Variants in HHAT observed in about 807,000 individuals in gnomAD.
The protein encoded by HHAT is hedgehog acyltransferase, also known as protein-cysteine N-palmitoyltransferase HHAT.
HHAT carries 47 observed loss-of-function variants against 70.8 expected under a neutral mutation model. The ratio of observed to expected loss-of-function variants is 0.66; its 90% CI spans 0.53 to 0.85. The LOEUF (loss-of-function observed/expected upper bound fraction) is 0.85, where lower values mean the gene tolerates loss of function less well. Ranked by LOEUF, HHAT falls within the 40% of genes least tolerant of loss-of-function variation. The pLI is 0.00. For synonymous variants in HHAT, 228 were observed against 247.6 expected, an observed-to-expected ratio of 0.92 and a Z score of 0.74; for missense variants, 609 against 604.8, an observed-to-expected ratio of 1.01 and a Z score of -0.07.
At chr1:210,374,222 T>C (rs1014521293) in intron 3 of HHAT, 1 of 151,994 alleles carries the variant, frequency 6.6e-6, no homozygotes, top group Non-Finnish European at 1.5e-5. Context: ...ACGGAAATCT[T>C]TAGTAAAAGG....
rs549392718 is a variant in HHAT, at chr1:210,406,762, C to T, written c.684+2083C>T. ...CAGGGTCCTGTGTCACACAGAGGCA[C>T]GCTTTAAGATTATCTTCCACCTAAA... On this transcript the variant is annotated intron_variant, in intron 6 of 11. Coordinates refer to ENST00000261458, the MANE Select transcript of HHAT (RefSeq NM_018194.6). 8.1e-4 allele frequency among the ~76,000 whole-genome samples: 123 copies of T among 152,228 alleles called. 1 individual carries two copies. In the Middle Eastern group the frequency reaches 0.017, roughly 21 times the overall value.
chr1:210,497,693 G>A (rs2094675316), intron 8 of HHAT, among the ~76,000 whole-genome samples: 1 of 152,012 alleles, frequency 6.6e-6, no homozygotes, highest in South Asian at 2.1e-4. Flanking sequence ...GCTGTTTTCA[G>A]TGGGCTCGCA....
intron 9 of HHAT, among the ~76,000 whole-genome samples, chr1:210,528,110 A>C (rs910657212): frequency 2.0e-5 from 3 of 152,210 alleles, no homozygotes; most frequent in Admixed American, 1.3e-4. Flanking sequence ...AGAGGTGTTC[A>C]TCAGGTGATC....
chr1:210,489,944 T>A (rs1379245434), intron 8 of HHAT, among the ~76,000 whole-genome samples: 1 of 152,218 alleles, frequency 6.6e-6, no homozygotes, highest in African/African-American at 2.4e-5. Context: ...GGCTTGTCTG[T>A]AGGAGGCATA....
At position 210,549,591 on chromosome 1, in the gene HHAT, G is replaced by T. The variant is rs747669535; in HGVS notation, c.1043+36403G>T. Among the ~76,000 whole-genome samples, 22 of 148,874 alleles carry T rather than the reference G, an allele frequency of 1.5e-4. 1 individual carries two copies. Among genetic ancestry groups the T allele is most frequent in the Non-Finnish European group, 4.4e-5 (3 of 67,884 alleles). Reference sequence around the variant, plus strand: ...TGGTAATAAGGAGACCTGAGTTTTAGGTTCACCATTTACTTGGAAGAGTTG... The same window carrying T: ...TGGTAATAAGGAGACCTGAGTTTTATGTTCACCATTTACTTGGAAGAGTTG... On this transcript the variant is annotated intron_variant, in intron 9 of 11. Coordinates refer to ENST00000261458, the MANE Select transcript of HHAT (RefSeq NM_018194.6).
intron 11 of HHAT, among the ~76,000 whole-genome samples, chr1:210,630,150 GTC>G (rs1670594007): frequency 6.6e-6 from 1 of 152,106 alleles, no homozygotes; most frequent in Admixed American, 6.5e-5. Flanking sequence ...CTCCTCCTCT[GTC>G]TCTCTTATAA....
intron 9 of HHAT, among the ~76,000 whole-genome samples, chr1:210,519,284 G>A (rs1296592234): frequency 1.3e-5 from 2 of 152,082 alleles, no homozygotes. Flanking sequence ...CCATCTCTTG[G>A]CTATTGTCAA....
intron 10 of HHAT, among the ~76,000 whole-genome samples, chr1:210,606,022 AT>A (rs377224411): frequency 9.9e-5 from 15 of 150,980 alleles, no homozygotes; most frequent in African/African-American, 3.2e-4. Context: ...CACCTGGCTA[AT>A]TTTTTTTTAT....
chr1:210,595,621 C>G (rs1485420422), intron 10 of HHAT, among the ~76,000 whole-genome samples: 12 of 152,270 alleles, frequency 7.9e-5, no homozygotes, highest in African/African-American at 2.6e-4. Flanking sequence ...ATCCTCTCCA[C>G]CACCTGTTGT....
chr1:210,567,064 C>G (rs569425524), intron 9 of HHAT, among the ~76,000 whole-genome samples: 3 of 152,346 alleles, frequency 2.0e-5, no homozygotes, highest in East Asian at 1.9e-4. Flanking sequence ...TCTGTGCCCC[C>G]CCTCCAATAA....
At chr1:210,671,885 T>A (rs1256300951) in intron 11 of HHAT, among the ~76,000 whole-genome samples, 1 of 152,192 alleles carries the variant, frequency 6.6e-6, no homozygotes, top group Non-Finnish European at 1.5e-5. Context: ...CCCTCACCTC[T>A]CTTGCCTGCA....
chr1:210,595,891 G>T (rs1011898551), intron 10 of HHAT, among the ~76,000 whole-genome samples: 1 of 151,520 alleles, frequency 6.6e-6, no homozygotes, highest in Admixed American at 6.6e-5. Context: ...TGAGTAGATT[G>T]CAAAAATTTT....
intron 1 of HHAT, among the ~76,000 whole-genome samples, chr1:210,343,797 T>C (rs55716781): frequency 0.027 from 4,058 of 152,204 alleles, 185 homozygotes; most frequent in African/African-American, 0.092. Flanking sequence ...CAGATGCACG[T>C]AGGATGGGCA....
intron 7 of HHAT, among the ~76,000 whole-genome samples, chr1:210,446,711 T>C (rs947128915): frequency 5.3e-5 from 8 of 152,370 alleles, no homozygotes; most frequent in South Asian, 2.1e-4. Context: ...CATCTTAGAA[T>C]GCTCTTGCCT....
chr1:210,495,684 A>C (rs2094626049), intron 8 of HHAT, among the ~76,000 whole-genome samples: 1 of 152,176 alleles, frequency 6.6e-6, no homozygotes, highest in Non-Finnish European at 1.5e-5. Context: ...GTAGGTCATA[A>C]TCATTTTAGT....
intron 9 of HHAT, among the ~76,000 whole-genome samples, chr1:210,526,806 C>G (rs1395695562): frequency 1.3e-5 from 2 of 152,184 alleles, no homozygotes; most frequent in African/African-American, 4.8e-5. Flanking sequence ...CTATTAATCA[C>G]TCATGGCTAT....
intron 2 of HHAT, among the ~76,000 whole-genome samples, chr1:210,362,302 A>G (rs540464714): frequency 1.3e-5 from 2 of 150,700 alleles, no homozygotes; most frequent in South Asian, 2.1e-4. Context: ...CTGGAGTGCA[A>G]TGGCATAATC....
At chr1:210,620,084 G>A (rs1487872794) in intron 10 of HHAT, among the ~76,000 whole-genome samples, 1 of 152,176 alleles carries the variant, frequency 6.6e-6, no homozygotes, top group Non-Finnish European at 1.5e-5. Context: ...CTTGCATCCC[G>A]GTGATGAAGG....
intron 6 of HHAT, among the ~76,000 whole-genome samples, chr1:210,411,475 T>G (rs1249106435): frequency 1.3e-5 from 2 of 152,174 alleles, no homozygotes; most frequent in African/African-American, 4.8e-5. Context: ...TTGAGCAGGT[T>G]GGGCACAGTG....
Sources: gnomAD v4.1 joint callset for allele counts (sites outside exome capture counted in the v4.1 genomes callset) on GRCh38, gnomAD v4.1.1 for gene constraint, MANE v1.5 for transcripts, NCBI Gene and HGNC (gene_info 2026-07-23, HGNC 2026-07-21) for gene names.